Variants in PLAG1 observed in about 807,000 individuals in gnomAD.
PLAG1 encodes zinc finger protein PLAG1.
Under a neutral mutation model 35.5 loss-of-function variants are expected in PLAG1, and 7 were observed. That is an observed-to-expected ratio of 0.20 (90% confidence interval 0.11 to 0.37). PLAG1 has a LOEUF of 0.37. PLAG1 is among the 10% of genes least tolerant of loss of function. The pLI is 1.00. For missense variants in PLAG1, 454 were observed against 602.8 expected (o/e 0.75, Z 2.58); for synonymous variants, 229 against 225.4 (o/e 1.02, Z -0.14).
rs191463969 is a variant in PLAG1 at position 56,171,115 on chromosome 8, A to G, written c.-142T>C. 1.3e-4 allele frequency: 129 copies of G among 974,850 alleles called. No homozygotes were observed. The African/African-American group carries it at 2.0e-3, about 15-fold the overall frequency. 60.4% of individuals were successfully genotyped at this position (974,850 alleles called of 1,614,324 possible). A position where few individuals can be genotyped will look rare whatever the true frequency, so the allele number is the denominator to read the frequency against. The stretch of plus-strand genomic sequence containing the variant: ...CCTGATTACTGATGGAAAAAGCCTC[A>G]GACTTTGATCTTAGCCAGTCCCATT... On this transcript the variant is annotated 5_prime_UTR_variant, in exon 3 of 5. An upstream open reading frame in the 5' UTR loses its in-frame stop. Coordinates refer to ENST00000316981, the MANE Select transcript of PLAG1 (RefSeq NM_002655.3).
chr8:56,176,114 A>G (rs1811684778), intron 2 of PLAG1, among the ~76,000 whole-genome samples: 1 of 150,052 alleles, frequency 6.7e-6, no homozygotes, highest in Admixed American at 6.7e-5. Context: ...CAGTGGTGCA[A>G]TCTCGGCTCA....
In PLAG1 at chr8:56,199,620, G is replaced by A. The variant is rs557855833; in HGVS notation, c.-322+11501C>T. On this transcript the variant is annotated intron_variant, in intron 1 of 4. Transcript: ENST00000316981. ...GGTGAGTGACAATACAAGGACCTAC[G>A]AGGGGCTGGAGTAACCGGCTGGCTC... Among the ~76,000 whole-genome samples the A allele has an allele frequency of 3.3e-5, 5 of 152,240 alleles. No individual in the cohort carries two copies. In the South Asian group the frequency reaches 8.3e-4, roughly 25 times the overall value.
chr8:56,180,969 C>T (rs550914748), intron 1 of PLAG1, among the ~76,000 whole-genome samples: 37 of 152,288 alleles, frequency 2.4e-4, no homozygotes, highest in Non-Finnish European at 4.9e-4. Flanking sequence ...TGAAAAAAAG[C>T]TCATCATCAC....
chr8:56,188,991 C>T (rs188280897), intron 1 of PLAG1, among the ~76,000 whole-genome samples: 1 of 152,256 alleles, frequency 6.6e-6, no homozygotes, highest in African/African-American at 2.4e-5. Flanking sequence ...CAATATCTTC[C>T]ACTGGGTCCC....
In PLAG1 at chr8:56,185,276, T is replaced by C. The variant is rs189434486; in HGVS notation, c.-321-5763A>G. 1.1e-4 allele frequency among the ~76,000 whole-genome samples: 16 copies of C among 152,316 alleles called. No individual in the cohort carries two copies. The East Asian group carries it at 3.1e-3, about 29-fold the overall frequency. On this transcript the variant is annotated intron_variant, in intron 1 of 4. Transcript: ENST00000316981. ...TTTTAGAAATGACGGATATGCTCAC[T>C]ATGTTGACAATGGTGATGGTTTCAG...
At chr8:56,199,350 C>T (rs964426836) in intron 1 of PLAG1, among the ~76,000 whole-genome samples, 2 of 152,050 alleles carry the variant, frequency 1.3e-5, no homozygotes, top group African/African-American at 4.8e-5. Flanking sequence ...GCCTGGGAGG[C>T]TGTTGATGGA....
intron 1 of PLAG1, among the ~76,000 whole-genome samples, chr8:56,195,141 A>T (rs775738050): frequency 1.3e-5 from 2 of 152,184 alleles, no homozygotes; most frequent in Non-Finnish European, 2.9e-5. Flanking sequence ...CCAAAATTTC[A>T]TGAAATAGAG....
intron 1 of PLAG1, among the ~76,000 whole-genome samples, chr8:56,198,978 T>C (rs962495213): frequency 4.6e-5 from 7 of 152,132 alleles, no homozygotes; most frequent in African/African-American, 1.7e-4. Context: ...GTCTTGCACA[T>C]AGATGTGGAG....
chr8:56,197,975 G>A (rs1812433836), intron 1 of PLAG1, among the ~76,000 whole-genome samples: 1 of 152,130 alleles, frequency 6.6e-6, no homozygotes, highest in South Asian at 2.1e-4. Context: ...AAGGGGCTGG[G>A]TGACTCCAAA....
At chr8:56,202,752 T>C (rs982113805) in intron 1 of PLAG1, among the ~76,000 whole-genome samples, 2 of 152,186 alleles carry the variant, frequency 1.3e-5, no homozygotes, top group Non-Finnish European at 2.9e-5. Flanking sequence ...ACCCAGGCTA[T>C]GATTAAAAGT....
intron 1 of PLAG1, chr8:56,209,131 T>G (rs917251469): frequency 1.3e-5 from 2 of 152,186 alleles, no homozygotes; most frequent in Non-Finnish European, 2.9e-5. Flanking sequence ...GGCTGTAAAA[T>G]CACATTATGG....
At chr8:56,207,566 T>C (rs1812734386) in intron 1 of PLAG1, among the ~76,000 whole-genome samples, 1 of 152,104 alleles carries the variant, frequency 6.6e-6, no homozygotes. Flanking sequence ...TAGCCCACAC[T>C]TATAAATCTT....
intron 2 of PLAG1, among the ~76,000 whole-genome samples, chr8:56,173,067 T>C (rs1357126519): frequency 6.6e-6 from 1 of 152,168 alleles, no homozygotes; most frequent in African/African-American, 2.4e-5. Context: ...CCAATCCATA[T>C]AAATTTTATT....
rs188440099 is a variant in PLAG1 at position 56,170,509 on chromosome 8, T to G, written c.-118+582A>C. Among the ~76,000 whole-genome samples the G allele has an allele frequency of 1.5e-3, 227 of 152,346 alleles. 2 individuals carry two copies. Among genetic ancestry groups the G allele is most frequent in the African/African-American group, 5.1e-3 (211 of 41,580 alleles). Reference sequence around the variant, plus strand: ...ATTTTCATTATTTGATTTCCTAACCTGATACTTTTATGCACCTATTTAGAA... The same window carrying G: ...ATTTTCATTATTTGATTTCCTAACCGGATACTTTTATGCACCTATTTAGAA... On this transcript the variant is annotated intron_variant, in intron 3 of 4. Transcript: ENST00000316981.
At chr8:56,173,722 A>G (rs1272619769) in intron 2 of PLAG1, among the ~76,000 whole-genome samples, 1 of 152,182 alleles carries the variant, frequency 6.6e-6, no homozygotes, top group African/African-American at 2.4e-5. Flanking sequence ...TAAGATGAAC[A>G]GCAGTTCAGA....
intron 1 of PLAG1, among the ~76,000 whole-genome samples, chr8:56,194,148 T>A (rs145857269): frequency 0.013 from 1,905 of 151,854 alleles, 43 homozygotes; most frequent in African/African-American, 0.043. Context: ...ACCCCATCTC[T>A]ACTAAAAAAA....
At chr8:56,202,317 T>C (rs1261863212) in intron 1 of PLAG1, among the ~76,000 whole-genome samples, 1 of 152,144 alleles carries the variant, frequency 6.6e-6, no homozygotes, top group East Asian at 1.9e-4. Context: ...TTTCCAGAAG[T>C]GATTTTGGAT....
Position 56,168,196 on chromosome 8 carries a change from C to T in PLAG1, c.74G>A (p.Arg25His), listed in dbSNP as rs149809434. ...TQKVPSGKRK[R>H]GETKPRKNFP... ...GTTTTTTCTTGGTTTGGTTTCACCA[C>T]GCTTACGTTTCCCTGAAGGGACTTT... is the stretch of plus-strand genomic sequence containing the variant. Residue 25 changes from arginine to histidine, a missense_variant, in exon 4 of 5, where the codon CGT (arginine) becomes CAT (histidine). Arg to His is a conservative substitution (Grantham distance 29, BLOSUM62 0). This residue lies in a region of PLAG1 where 170 missense variants were observed against 226.3 expected (regional missense o/e 0.75). Coordinates refer to ENST00000316981, the MANE Select transcript of PLAG1 (RefSeq NM_002655.3). 3.7e-6 allele frequency: 6 copies of T among 1,613,846 alleles called. No individual in the cohort carries two copies. Among genetic ancestry groups the T allele is most frequent in the Middle Eastern group, 1.7e-4 (1 of 6,056 alleles).
In PLAG1 at chr8:56,164,995, T is replaced by C. The variant is rs937549400; in HGVS notation, c.*1248A>G. ...AATGCATTTAACTTCAAATTCTCCA[T>C]CCAAAATATTGCAAGGAAAGATGGA... On this transcript the variant is annotated 3_prime_UTR_variant, in exon 5 of 5. Transcript: ENST00000316981. 1 of 206,492 alleles carries C rather than the reference T, an allele frequency of 4.8e-6. No individual in the cohort carries two copies. 12.8% of individuals were successfully genotyped at this position (206,492 alleles called of 1,614,324 possible). A position where few individuals can be genotyped will look rare whatever the true frequency, so the allele number is the denominator to read the frequency against.
Sources: gnomAD v4.1 joint callset for allele counts (sites outside exome capture counted in the v4.1 genomes callset) on GRCh38, gnomAD v4.1.1 for gene constraint, gnomAD v4.1.1 regional missense constraint, MANE v1.5 for transcripts, NCBI Gene and HGNC (gene_info 2026-07-23, HGNC 2026-07-21) for gene names.